The following TRIM67 variants were observed in gnomAD, a reference collection of about 807,000 sequenced individuals.
TRIM67 encodes tripartite motif-containing protein 67.
Under a neutral mutation model 71.0 loss-of-function variants are expected in TRIM67, and 39 were observed. The observed-to-expected ratio is 0.55, with a 90% CI of 0.43 to 0.72. The LOEUF (loss-of-function observed/expected upper bound fraction) is 0.72, where lower values mean the gene tolerates loss of function less well. Among genes scored for constraint, TRIM67 ranks in the 30% least tolerant of loss-of-function variants. The pLI is 0.00. For missense variants in TRIM67, 973 were observed against 1,079.2 expected (o/e 0.90, Z 1.38); for synonymous variants, 481 against 473.9 (o/e 1.01, Z -0.19).
intron 1 of TRIM67, among the ~76,000 whole-genome samples, chr1:231,193,472 AAAAG>A (rs1284912121): frequency 4.4e-5 from 6 of 137,622 alleles, no homozygotes; most frequent in Non-Finnish European, 6.2e-5. Flanking sequence ...CCCTTAAAAA[AAAAG>A]AAAGAGACAC....
chr1:231,216,100 T>A lies in TRIM67; in HGVS notation c.*660T>A, dbSNP rs1684007108. ...TGGCTTCCTTTATTAATCAGCCAAT[T>A]GTGTTCTCTCTCTCTCTTCCTCCAT... is the stretch of plus-strand genomic sequence containing the variant. On this transcript the variant is annotated 3_prime_UTR_variant, in exon 10 of 10. Transcript: ENST00000366653. 1 of 985,376 alleles carries A rather than the reference T, an allele frequency of 1.0e-6. No homozygotes were observed. The highest frequency in any genetic ancestry group is 1.2e-6 in the Non-Finnish European group (1 of 829,912). 61.0% of individuals were successfully genotyped at this position (985,376 alleles called of 1,614,324 possible).
intron 8 of TRIM67, among the ~76,000 whole-genome samples, chr1:231,210,227 A>G (rs1164336139): frequency 6.6e-6 from 1 of 152,140 alleles, no homozygotes; most frequent in Non-Finnish European, 1.5e-5. Flanking sequence ...GAACTTCAAG[A>G]GCTGACCTTG....
chr1:231,215,341 C>G (rs1344749890), intron 9 of TRIM67, 34 bp from the exon 10 acceptor site: 1 of 1,607,042 alleles, frequency 6.2e-7, no homozygotes. Context: ...GCGGCAGCCT[C>G]TCCCACCCTC....
At chr1:231,193,503 G>GCTCTCTCTCTCTCT (rs3049035) in intron 1 of TRIM67, among the ~76,000 whole-genome samples, 2,077 of 81,932 alleles carry the variant, frequency 0.025, 214 homozygotes, top group Middle Eastern at 0.06. Flanking sequence ...TCTCTCTCAA[G>GCTCTCTCTCTCTCT]CTCTCTCTCT....
rs553609967 is a variant in TRIM67 at position 231,167,551 on chromosome 1, T to C, written c.1044+3538T>C. Among the ~76,000 whole-genome samples, 102 of 107,186 alleles carry C rather than the reference T, an allele frequency of 9.5e-4. 8 individuals are homozygous for C. The highest frequency in any genetic ancestry group is 5.5e-3 in the Admixed American group (59 of 10,666). 70.3% of individuals were successfully genotyped at this position (107,186 alleles called of 152,430 possible). On this transcript the variant is annotated intron_variant, in intron 1 of 9. Transcript: ENST00000366653. ...TTTAGCCGGGATGGTCTCGATCTCCTGACCTCGTGATCCGCCCGCCTCGGC... is the reference window on the plus strand; with the variant it reads ...TTTAGCCGGGATGGTCTCGATCTCCCGACCTCGTGATCCGCCCGCCTCGGC...
rs1457733018 is a variant in TRIM67 at position 231,220,610 on chromosome 1, G to C, written c.*5170G>C. 2 of 152,346 alleles carry C rather than the reference G, an allele frequency of 1.3e-5. No homozygotes were observed. Among genetic ancestry groups the C allele is most frequent in the Admixed American group, 6.5e-5 (1 of 15,284 alleles). The allele number at this position is 152,346 out of a possible 1,614,324, so 9.4% of individuals were successfully genotyped here. A position where few individuals can be genotyped will look rare whatever the true frequency, so the allele number is the denominator to read the frequency against. On this transcript the variant is annotated 3_prime_UTR_variant, in exon 10 of 10. Transcript: ENST00000366653. The stretch of plus-strand genomic sequence containing the variant: ...GAGCCGAAGTTTTGAAGGCTGGTTG[G>C]GCTAGTGGGTCATCATGTCACTTTC...
chr1:231,216,146 CTCCT>C lies in TRIM67; in HGVS notation c.*709_*712del. 2 of 976,722 alleles carry C rather than the reference CTCCT, an allele frequency of 2.0e-6. No individual in the cohort carries two copies. The highest frequency in any genetic ancestry group is 2.4e-6 in the Non-Finnish European group (2 of 822,332). The allele number at this position is 976,722 out of a possible 1,614,324, so 60.5% of individuals were successfully genotyped here. A position where few individuals can be genotyped will look rare whatever the true frequency, so the allele number is the denominator to read the frequency against. Reference sequence around the variant, plus strand: ...TCCATCCTTCATTTCTTCTCCCTCCCTCCTTCTCTTTCTCTCTTCTTCTCTCTCT... The same window carrying C: ...TCCATCCTTCATTTCTTCTCCCTCCCTCTCTTTCTCTCTTCTTCTCTCTCT... On this transcript the variant is annotated 3_prime_UTR_variant, in exon 10 of 10. Transcript: ENST00000366653.
intron 1 of TRIM67, among the ~76,000 whole-genome samples, chr1:231,196,673 T>TTTGAGCTCA (rs1683377349): frequency 6.6e-6 from 1 of 152,164 alleles, no homozygotes; most frequent in Non-Finnish European, 1.5e-5. Context: ...AAAAGCCTGG[T>TTTGAGCTCA]GCCAAAAGCC....
At chr1:231,179,041 T>C (rs896983263) in intron 1 of TRIM67, among the ~76,000 whole-genome samples, 2 of 152,256 alleles carry the variant, frequency 1.3e-5, no homozygotes, top group African/African-American at 4.8e-5. Flanking sequence ...CTGTACATAA[T>C]GTATTTGTTT....
Position 231,163,443 on chromosome 1 carries a change from G to C in TRIM67, c.474G>C (p.Thr158=). 1.9e-6 allele frequency: 3 copies of C among 1,539,744 alleles called. No homozygotes were observed. Among genetic ancestry groups the C allele is most frequent in the Non-Finnish European group, 2.6e-6 (3 of 1,148,388 alleles). ...SSLSSSSSSI[T]CPQCHRSASL... ...TGTCCTCGTCTTCGAGCTCCATCAC[G>C]TGCCCGCAGTGCCACCGCAGCGCAT... The change falls in exon 1 of 10, where the codon ACG becomes ACC. Residue 158 remains threonine (T), a synonymous_variant. Transcript: ENST00000366653.
Position 231,216,405 on chromosome 1 carries a change from G to A in TRIM67, c.*965G>A. The stretch of plus-strand genomic sequence containing the variant: ...ACAACTATGTCATAGGTCTTCGCCT[G>A]GTGATGGCTCCTTTCTGAAACTGGC... On this transcript the variant is annotated 3_prime_UTR_variant, in exon 10 of 10. Transcript: ENST00000366653. 2 of 985,450 alleles carry A rather than the reference G, an allele frequency of 2.0e-6. No homozygotes were observed. Among genetic ancestry groups the A allele is most frequent in the Non-Finnish European group, 2.4e-6 (2 of 829,948 alleles). 61.0% of individuals were successfully genotyped at this position (985,450 alleles called of 1,614,324 possible). A position where few individuals can be genotyped will look rare whatever the true frequency, so the allele number is the denominator to read the frequency against.
At chr1:231,214,880 G>A (rs577276172) in intron 9 of TRIM67, among the ~76,000 whole-genome samples, 181 of 151,966 alleles carry the variant, frequency 1.2e-3, no homozygotes, top group Non-Finnish European at 2.0e-3. Flanking sequence ...CAGGAGAATC[G>A]CTTGAGCCCA....
Position 231,203,961 on chromosome 1 carries a change from C to T in TRIM67, c.1629C>T (p.Pro543=), listed in dbSNP as rs189006336. 1.6e-5 allele frequency: 26 copies of T among 1,613,998 alleles called. No homozygotes were observed. The highest frequency in any genetic ancestry group is 9.3e-5 in the African/African-American group (7 of 75,070). Residue 543 remains proline (P), a synonymous_variant, in exon 6 of 10, where the codon CCC becomes CCT. Coordinates refer to ENST00000366653, the MANE Select transcript of TRIM67 (RefSeq NM_001004342.5). ...AWRMPPFTHS[P]VDGYILELDD... ...GGATGCCACCCTTCACCCACAGCCC[C>T]GTGGACGGCTACATCCTGGAGCTGG...
intron 1 of TRIM67, among the ~76,000 whole-genome samples, chr1:231,173,594 C>T: frequency 6.6e-6 from 1 of 152,176 alleles, no homozygotes; most frequent in African/African-American, 2.4e-5. Context: ...AGAAATGGGC[C>T]AGTGTGCTTG....
At position 231,211,049 on chromosome 1, in the gene TRIM67, TA is replaced by T. The variant is rs1191841491; in HGVS notation, c.2123+1800del. 4.3e-3 allele frequency among the ~76,000 whole-genome samples: 587 copies of T among 136,024 alleles called. 3 individuals are homozygous for T. The highest frequency in any genetic ancestry group is 0.017 in the African/African-American group (562 of 33,354). The allele number at this position is 136,024 out of a possible 152,430, so 89.2% of individuals were successfully genotyped here. A position where few individuals can be genotyped will look rare whatever the true frequency, so the allele number is the denominator to read the frequency against. Reference sequence around the variant, plus strand: ...AAAAAAAAATATATATATATATATATATTTTGTTTGTTTGTTTAATATATAT... The same window carrying T: ...AAAAAAAAATATATATATATATATATTTTTGTTTGTTTGTTTAATATATAT... On this transcript the variant is annotated intron_variant, in intron 8 of 9. Coordinates refer to ENST00000366653, the MANE Select transcript of TRIM67 (RefSeq NM_001004342.5).
At chr1:231,185,599 T>C (rs1418319332) in intron 1 of TRIM67, among the ~76,000 whole-genome samples, 1 of 151,816 alleles carries the variant, frequency 6.6e-6, no homozygotes, top group African/African-American at 2.4e-5. Context: ...CCCAGACGCG[T>C]CCTGCCCTTT....
chr1:231,166,074 A>G (rs1343066894), intron 1 of TRIM67, among the ~76,000 whole-genome samples: 1 of 152,228 alleles, frequency 6.6e-6, no homozygotes, highest in Non-Finnish European at 1.5e-5. Flanking sequence ...GTTTTATAAA[A>G]TTTCTATCCT....
intron 5 of TRIM67, 81 bp from the exon 6 acceptor site, chr1:231,203,786 C>T (rs1683617049): frequency 3.3e-6 from 5 of 1,521,572 alleles, no homozygotes; most frequent in Non-Finnish European, 4.4e-6. Context: ...GGCCAGGACC[C>T]CTGGGATGGG....
At chr1:231,208,836 T>C in intron 7 of TRIM67, 111 bp from the exon 8 acceptor site, 1 of 1,068,822 alleles carries the variant, frequency 9.4e-7, no homozygotes, top group Non-Finnish European at 1.4e-6. Context: ...CCTTCACTTC[T>C]GGGTGCCGAC....
Sources: allele counts gnomAD v4.1 joint callset (sites outside exome capture counted in the v4.1 genomes callset), GRCh38; gene constraint gnomAD v4.1.1; transcripts MANE v1.5; gene names NCBI Gene and HGNC (gene_info 2026-07-23, HGNC 2026-07-21).